Variants in GPHN observed in about 807,000 individuals in gnomAD.
GPHN encodes gephyrin.
Under a neutral mutation model 95.5 loss-of-function variants are expected in GPHN, and 17 were observed. That is an observed-to-expected ratio of 0.18 (90% CI 0.12 to 0.27). GPHN has a LOEUF of 0.27. Ranked by LOEUF, GPHN falls within the 10% of genes least tolerant of loss-of-function variation. The probability of loss-of-function intolerance (pLI) is 1.00; values close to 1 mark genes in which losing one functional copy is unlikely to be tolerated. For synonymous variants in GPHN, 320 were observed against 322.5 expected (o/e 0.99, Z 0.08); for missense variants, 660 against 978.1 (o/e 0.67, Z 4.34).
intron 4 of GPHN, among the ~76,000 whole-genome samples, chr14:66,831,459 C>T (rs2061575894): frequency 6.6e-6 from 1 of 152,150 alleles, no homozygotes; most frequent in African/African-American, 2.4e-5. Flanking sequence ...CCTCTACAGT[C>T]AGATTTGATG....
At chr14:66,674,308 C>T (rs905152912) in intron 1 of GPHN, among the ~76,000 whole-genome samples, 11 of 152,136 alleles carry the variant, frequency 7.2e-5, no homozygotes, top group African/African-American at 2.6e-4. Flanking sequence ...CCATGTTAGC[C>T]AGGATGGTAT....
intron 2 of GPHN, among the ~76,000 whole-genome samples, chr14:66,743,838 C>G (rs2073018520): frequency 6.6e-6 from 1 of 152,158 alleles, no homozygotes; most frequent in Admixed American, 6.5e-5. Context: ...CTTATATTAC[C>G]TTGGCAAAAT....
chr14:66,591,283 A>C (rs1484745732), intron 1 of GPHN, among the ~76,000 whole-genome samples: 2 of 152,158 alleles, frequency 1.3e-5, no homozygotes, highest in Non-Finnish European at 2.9e-5. Context: ...CCTATTCAAC[A>C]TAGTATTGGA....
chr14:67,522,252 C>T, the GPHN span, among the ~76,000 whole-genome samples: 3 of 152,204 alleles, frequency 2.0e-5, no homozygotes, highest in Non-Finnish European at 4.4e-5. Flanking sequence ...TATCCCCGTA[C>T]CCGCTCCTCT....
intron 2 of GPHN, among the ~76,000 whole-genome samples, chr14:66,740,393 ATATGT>A (rs1395213865): frequency 1.3e-5 from 2 of 152,080 alleles, no homozygotes; most frequent in South Asian, 4.1e-4. Context: ...GAATAGTAAG[ATATGT>A]TATTTATTTA....
chr14:66,703,739 A>G (rs1298114404), intron 2 of GPHN, among the ~76,000 whole-genome samples: 1 of 152,192 alleles, frequency 6.6e-6, no homozygotes, highest in Non-Finnish European at 1.5e-5. Context: ...CTAGTGTGCA[A>G]AATAACCAGG....
intron 4 of GPHN, among the ~76,000 whole-genome samples, chr14:66,853,333 T>C (rs2062671985): frequency 6.6e-6 from 1 of 152,290 alleles, no homozygotes; most frequent in Admixed American, 6.5e-5. Flanking sequence ...CATTTATTAC[T>C]TAAAAAAAAT....
chr14:66,689,353 A>G (rs551204877), intron 2 of GPHN, among the ~76,000 whole-genome samples: 52 of 152,280 alleles, frequency 3.4e-4, no homozygotes, highest in East Asian at 1.5e-3. Context: ...ATTGATTTGC[A>G]TATGCTAAAC....
the GPHN span, among the ~76,000 whole-genome samples, chr14:67,195,139 G>T: frequency 0.014 from 2,099 of 152,286 alleles, 21 homozygotes; most frequent in African/African-American, 0.024. Flanking sequence ...TAATCCAAAA[G>T]TGTAAAAATA....
At chr14:67,078,952 G>C (rs1468370841) in intron 11 of GPHN, among the ~76,000 whole-genome samples, 1 of 151,898 alleles carries the variant, frequency 6.6e-6, no homozygotes, top group Non-Finnish European at 1.5e-5. Flanking sequence ...CTGACAAGTT[G>C]ACTTTATACC....
At chr14:67,426,713 C>T in the GPHN span, among the ~76,000 whole-genome samples, 1 of 152,036 alleles carries the variant, frequency 6.6e-6, no homozygotes, top group Admixed American at 6.6e-5. Flanking sequence ...GTAGCTGGGA[C>T]TACAGGCATG....
intron 1 of GPHN, among the ~76,000 whole-genome samples, chr14:66,612,182 C>CT (rs1343794820): frequency 6.6e-6 from 1 of 151,980 alleles, no homozygotes; most frequent in East Asian, 1.9e-4. Context: ...ATTGTAATGA[C>CT]TTTTCCATGA....
chr14:67,705,249 G>C, the GPHN span, among the ~76,000 whole-genome samples: 43 of 152,332 alleles, frequency 2.8e-4, no homozygotes, highest in African/African-American at 1.0e-3. Context: ...CAATACAGAG[G>C]TTACAGTCCT....
At chr14:67,028,478 C>T (rs1839987920) in intron 10 of GPHN, among the ~76,000 whole-genome samples, 1 of 152,084 alleles carries the variant, frequency 6.6e-6, no homozygotes, top group African/African-American at 2.4e-5. Flanking sequence ...TTTACATTCC[C>T]ACCAACAGTG....
intron 8 of GPHN, among the ~76,000 whole-genome samples, chr14:66,943,170 C>G (rs192989752): frequency 5.6e-4 from 85 of 152,216 alleles, no homozygotes; most frequent in African/African-American, 2.0e-3. Context: ...TTTATTTTAT[C>G]TAATTCAAAA....
At chr14:67,159,295 A>G (rs2081822935) in intron 18 of GPHN, 120 bp from the exon 19 acceptor site, 3 of 750,852 alleles carry the variant, frequency 4.0e-6, no homozygotes, top group East Asian at 2.6e-5. Flanking sequence ...AATCAACTCC[A>G]TTAAAATAAG....
chr14:67,586,350 CT>C, the GPHN span: 1 of 1,434,908 alleles, frequency 7.0e-7, no homozygotes, highest in Non-Finnish European at 9.3e-7. Context: ...TTCACTTTTT[CT>C]TTTTTATTCT....
At chr14:67,346,169 C>A in the GPHN span, among the ~76,000 whole-genome samples, 1 of 152,132 alleles carries the variant, frequency 6.6e-6, no homozygotes, top group Non-Finnish European at 1.5e-5. Context: ...TGCCTGATGC[C>A]CAGAGTACGA....
At chr14:66,896,159 A>G (rs924143095) in intron 5 of GPHN, among the ~76,000 whole-genome samples, 3 of 152,128 alleles carry the variant, frequency 2.0e-5, no homozygotes, top group African/African-American at 7.2e-5. Context: ...ACTTTATACT[A>G]TTGCACTGGG....
Sources: allele counts gnomAD v4.1 joint callset (sites outside exome capture counted in the v4.1 genomes callset), GRCh38; gene constraint gnomAD v4.1.1; transcripts MANE v1.5; gene names NCBI Gene and HGNC (gene_info 2026-07-23, HGNC 2026-07-21).